RAP1GAP2: variants seen among roughly 807,000 people sequenced by gnomAD.
The protein encoded by RAP1GAP2 is RAP1 GTPase activating protein 2.
A neutral mutation model predicts 95.0 loss-of-function variants in RAP1GAP2; 27 were observed. That is an observed-to-expected ratio of 0.28 (90% CI 0.21 to 0.39). The LOEUF is 0.39. RAP1GAP2 is among the 10% of genes least tolerant of loss of function. RAP1GAP2 has a pLI of 1.00. For missense variants in RAP1GAP2, 771 were observed against 970.0 expected, an observed-to-expected ratio of 0.79 and a Z score of 2.72; for synonymous variants, 373 against 380.9, an observed-to-expected ratio of 0.98 and a Z score of 0.24.
chr17:2,852,358 C>T (rs1233739631), intron 2 of RAP1GAP2, among the ~76,000 whole-genome samples: 1 of 152,028 alleles, frequency 6.6e-6, no homozygotes, highest in Non-Finnish European at 1.5e-5. Flanking sequence ...GTGGGGGGCA[C>T]AAGGCCAGTG....
In RAP1GAP2 at chr17:2,904,530, C is replaced by CTGTGTGTGTGTGTGTGTGTGTG. The variant is rs5818880; in HGVS notation, c.81-736_81-715dup. Among the ~76,000 whole-genome samples, 804 of 129,130 alleles carry CTGTGTGTGTGTGTGTGTGTGTG rather than the reference C, an allele frequency of 6.2e-3. 32 individuals carry two copies. The highest frequency in any genetic ancestry group is 0.012 in the Middle Eastern group (3 of 250). 84.7% of individuals were successfully genotyped at this position (129,130 alleles called of 152,430 possible). On this transcript the variant is annotated intron_variant, in intron 2 of 24. Transcript: ENST00000254695. The surrounding 1 kb of genome is among the most constrained non-coding windows in gnomAD (Gnocchi z 4.7). ...CCGAGGACAGCTTTTTGACCAGGGC[C>CTGTGTGTGTGTGTGTGTGTGTG]TGTGTGTGTGTGTGTGTGTGTGTGT...
intron 9 of RAP1GAP2, 69 bp from the exon 10 acceptor site, chr17:2,981,126 G>A: frequency 6.9e-7 from 1 of 1,446,808 alleles, no homozygotes. Context: ...CATTGTCCAG[G>A]TGGGCAGAGG....
chr17:2,780,791 G>A (rs577569100), intron 1 of RAP1GAP2, among the ~76,000 whole-genome samples: 1 of 152,372 alleles, frequency 6.6e-6, no homozygotes, highest in African/African-American at 2.4e-5. Flanking sequence ...ATAAAGCAAT[G>A]ATACTAGCCT....
chr17:2,788,169 TAGTC>T lies in RAP1GAP2; in HGVS notation c.-14+10894_-14+10897del, dbSNP rs145917008. Among the ~76,000 whole-genome samples the T allele has an allele frequency of 6.6e-3, 1,003 of 152,312 alleles. 30 individuals carry two copies. Among genetic ancestry groups the T allele is most frequent in the Admixed American group, 0.042 (641 of 15,282 alleles). On this transcript the variant is annotated intron_variant, in intron 1 of 24. Transcript: ENST00000540393. ...CTTAAACAATTTTGATAGAGTGTAT[TAGTC>T]AGGGCTTTGCAGAGAAATAGAACTA... is the stretch of plus-strand genomic sequence containing the variant.
intron 19 of RAP1GAP2, among the ~76,000 whole-genome samples, chr17:3,023,110 C>G (rs993643043): frequency 5.3e-5 from 8 of 152,066 alleles, no homozygotes; most frequent in African/African-American, 1.9e-4. Flanking sequence ...GGAACAAATC[C>G]CATGGTGAAT....
intron 2 of RAP1GAP2, among the ~76,000 whole-genome samples, chr17:2,879,225 C>T (rs1056328429): frequency 6.6e-6 from 1 of 151,880 alleles, no homozygotes; most frequent in Non-Finnish European, 1.5e-5. Context: ...AAGTGATTTT[C>T]CTGCCTCGGC....
rs368651287 is a variant in RAP1GAP2, at chr17:2,905,349, C to T, written c.146C>T (p.Thr49Met). Residue 49 changes from threonine (T) to methionine (M), a missense_variant, in exon 3 of 25, where the codon ACG becomes ATG. Transcript: ENST00000254695. ...LPDRPLSPPL[T>M]APPTMKSSEF... ...GACCGGCCGCTCTCCCCTCCTCTCACGGCACCTCCCACCATGAAGGTAAGA... is the reference window on the plus strand; with the variant it reads ...GACCGGCCGCTCTCCCCTCCTCTCATGGCACCTCCCACCATGAAGGTAAGA... The T allele has an allele frequency of 7.3e-5, 118 of 1,613,572 alleles. No homozygotes were observed. In the Middle Eastern group the frequency reaches 8.2e-4, roughly 11 times the overall value.
At chr17:2,869,189 A>G (rs997378933) in intron 2 of RAP1GAP2, among the ~76,000 whole-genome samples, 9 of 152,246 alleles carry the variant, frequency 5.9e-5, no homozygotes, top group African/African-American at 2.2e-4. Flanking sequence ...GGGGTGCACA[A>G]ATATAGTCTA....
intron 3 of RAP1GAP2, among the ~76,000 whole-genome samples, chr17:2,913,535 G>A (rs965050950): frequency 4.6e-5 from 7 of 151,862 alleles, no homozygotes; most frequent in African/African-American, 9.7e-5. Context: ...GTGATCCGCC[G>A]GCCTCAGCCT....
intron 1 of RAP1GAP2, among the ~76,000 whole-genome samples, chr17:2,761,739 G>A (rs2071252733): frequency 6.6e-6 from 1 of 152,112 alleles, no homozygotes; most frequent in Admixed American, 6.6e-5. Context: ...CGCAGAATTT[G>A]TTTGAGAAAA....
intron 2 of RAP1GAP2, among the ~76,000 whole-genome samples, chr17:2,832,065 T>G (rs1388252157): frequency 1.4e-5 from 2 of 144,224 alleles, no homozygotes; most frequent in Non-Finnish European, 3.0e-5. Flanking sequence ...TTAGATGGGC[T>G]TGGTGGTGGG....
chr17:2,757,892 T>C (rs1273613321), intron 1 of RAP1GAP2, among the ~76,000 whole-genome samples: 1 of 151,036 alleles, frequency 6.6e-6, no homozygotes, highest in Non-Finnish European at 1.5e-5. Flanking sequence ...TTTTTTGAGA[T>C]GGAGTCTCAC....
At chr17:2,909,220 A>C (rs1195586896) in intron 3 of RAP1GAP2, among the ~76,000 whole-genome samples, 3 of 152,064 alleles carry the variant, frequency 2.0e-5, no homozygotes, top group Admixed American at 1.3e-4. Context: ...CTGGGCCCGG[A>C]CATGGAGGGA....
In RAP1GAP2 at chr17:2,857,179, G is replaced by T. The variant is rs1433117063; in HGVS notation, c.81-48105G>T. Among the ~76,000 whole-genome samples, 1 of 152,170 alleles carries T rather than the reference G, an allele frequency of 6.6e-6. No homozygotes were observed. The highest frequency in any genetic ancestry group is 1.9e-4 in the East Asian group (1 of 5,198). ...TCCCAGAAGGCTTGATCCATCCATCGATCTTCCCAGCACCTGTAATTGACA... is the reference window on the plus strand; with the variant it reads ...TCCCAGAAGGCTTGATCCATCCATCTATCTTCCCAGCACCTGTAATTGACA... On this transcript the variant is annotated intron_variant, in intron 2 of 24. Coordinates refer to ENST00000254695, the MANE Select transcript of RAP1GAP2 (RefSeq NM_015085.5). This position sits in a 1 kb window ranked among gnomAD's most constrained non-coding sequence, Gnocchi z 4.0.
chr17:2,838,531 G>A (rs2071243182), intron 2 of RAP1GAP2, among the ~76,000 whole-genome samples: 1 of 152,154 alleles, frequency 6.6e-6, no homozygotes, highest in South Asian at 2.1e-4. Context: ...CTGGGTTGTT[G>A]ACCCCTCGGG....
chr17:2,776,689 G>T (rs374584209), upstream of RAP1GAP2, among the ~76,000 whole-genome samples: 5,542 of 149,788 alleles, frequency 0.037, 157 homozygotes, highest in Non-Finnish European at 0.052. Flanking sequence ...CTCCGGCTGC[G>T]CGTGCGCGGC....
At chr17:2,935,242 T>C (rs1248810728) in intron 3 of RAP1GAP2, among the ~76,000 whole-genome samples, 1 of 152,148 alleles carries the variant, frequency 6.6e-6, no homozygotes, top group Non-Finnish European at 1.5e-5. Flanking sequence ...GCGCAGTGGC[T>C]CACACCTGTA....
intron 17 of RAP1GAP2, among the ~76,000 whole-genome samples, chr17:3,010,137 C>T (rs1376557132): frequency 2.0e-5 from 3 of 151,964 alleles, no homozygotes; most frequent in Non-Finnish European, 4.4e-5. Context: ...GTCAGGAGAT[C>T]GAGACCATCC....
intron 3 of RAP1GAP2, among the ~76,000 whole-genome samples, chr17:2,935,504 TCACA>T (rs376852482): frequency 3.3e-5 from 5 of 150,490 alleles, no homozygotes; most frequent in Non-Finnish European, 5.9e-5. Flanking sequence ...TGAAACTCTG[TCACA>T]CACACACACA....
Sources: allele counts gnomAD v4.1 joint callset (sites outside exome capture counted in the v4.1 genomes callset), GRCh38; gene constraint gnomAD v4.1.1; non-coding constraint Gnocchi (gnomAD v3.1); transcripts MANE v1.5; gene names NCBI Gene and HGNC (gene_info 2026-07-23, HGNC 2026-07-21).